Variants in AP4E1 observed in about 807,000 individuals in gnomAD.
The protein encoded by AP4E1 is AP-4 complex subunit epsilon-1.
AP4E1 carries 56 observed loss-of-function variants against 128.2 expected under a neutral mutation model. That is an observed-to-expected ratio of 0.44 (90% CI 0.35 to 0.55). The LOEUF (loss-of-function observed/expected upper bound fraction) is 0.55. Ranked by LOEUF, AP4E1 falls within the 20% of genes least tolerant of loss-of-function variation. AP4E1 has a pLI of 0.00. For missense variants in AP4E1, 1,324 were observed against 1,307.7 expected, an observed-to-expected ratio of 1.01 and a Z score of -0.19; for synonymous variants, 484 against 473.1, an observed-to-expected ratio of 1.02 and a Z score of -0.30.
At chr15:50,947,061 A>G (rs145604249) in intron 10 of AP4E1, among the ~76,000 whole-genome samples, 1 of 151,936 alleles carries the variant, frequency 6.6e-6, no homozygotes, top group East Asian at 1.9e-4. Flanking sequence ...CTGCCACTGC[A>G]CTCTAGCCTG....
intron 15 of AP4E1, among the ~76,000 whole-genome samples, chr15:50,977,154 G>A (rs968396053): frequency 1.3e-5 from 2 of 152,164 alleles, no homozygotes; most frequent in African/African-American, 4.8e-5. Context: ...GGCCTAGAGT[G>A]AAAAGCTCCT....
chr15:50,968,937 G>C (rs2064436400), intron 15 of AP4E1, among the ~76,000 whole-genome samples: 1 of 151,670 alleles, frequency 6.6e-6, no homozygotes, highest in Non-Finnish European at 1.5e-5. Flanking sequence ...AAATTTTGAG[G>C]AACTTTTTTT....
chr15:50,947,766 A>G (rs886131683), intron 10 of AP4E1, among the ~76,000 whole-genome samples: 6 of 152,214 alleles, frequency 3.9e-5, no homozygotes, highest in African/African-American at 1.4e-4. Context: ...TCTGTCATGT[A>G]GAGATGTCAG....
chr15:50,988,130 G>A (rs2064754205), intron 16 of AP4E1, among the ~76,000 whole-genome samples: 2 of 152,046 alleles, frequency 1.3e-5, no homozygotes, highest in Non-Finnish European at 2.9e-5. Context: ...TTCACCTGAG[G>A]AAGCCATATA....
chr15:50,991,568 C>G (rs2064807168), intron 16 of AP4E1, among the ~76,000 whole-genome samples: 1 of 151,404 alleles, frequency 6.6e-6, no homozygotes, highest in African/African-American at 2.4e-5. Context: ...TTAGAAAACT[C>G]TTTTAGAACC....
At chr15:50,995,738 C>T (rs931460448) in intron 17 of AP4E1, among the ~76,000 whole-genome samples, 1 of 151,930 alleles carries the variant, frequency 6.6e-6, no homozygotes. Context: ...TAAACTGTTT[C>T]TTTTCTTCAA....
chr15:50,937,162 G>A (rs2063918573), intron 8 of AP4E1, among the ~76,000 whole-genome samples: 1 of 152,084 alleles, frequency 6.6e-6, no homozygotes, highest in Non-Finnish European at 1.5e-5. Context: ...CCTGATATAG[G>A]TATTTTACTG....
chr15:50,912,040 A>T (rs747647354), intron 1 of AP4E1, 38 bp from the exon 2 acceptor site: 90 of 1,474,504 alleles, frequency 6.1e-5, no homozygotes, highest in Non-Finnish European at 8.4e-5. Flanking sequence ...GTTTTAAAAG[A>T]CAGTTAATCA....
rs1176003593 is a variant in AP4E1, at chr15:51,003,542, T to G, written c.*880T>G. ...TGGCAAAACTATCTTTTCCTGGCCT[T>G]TGAATCCACTAGTACTTAATGGATA... On this transcript the variant is annotated 3_prime_UTR_variant, in exon 21 of 21. Coordinates refer to ENST00000261842, the MANE Select transcript of AP4E1 (RefSeq NM_007347.5). 6.6e-6 allele frequency: 1 copy of G among 152,446 alleles called. No individual in the cohort carries two copies. Among genetic ancestry groups the G allele is most frequent in the African/African-American group, 2.4e-5 (1 of 41,454 alleles). 9.4% of individuals were successfully genotyped at this position (152,446 alleles called of 1,614,324 possible).
At chr15:50,928,939 C>A in intron 5 of AP4E1, 70 bp from the exon 6 acceptor site, 2 of 1,450,378 alleles carry the variant, frequency 1.4e-6, no homozygotes, top group African/African-American at 1.4e-5. Context: ...AATCATCTGG[C>A]CTATAATCTT....
At chr15:50,970,478 A>G (rs1455973221) in intron 15 of AP4E1, among the ~76,000 whole-genome samples, 1 of 152,118 alleles carries the variant, frequency 6.6e-6, no homozygotes, top group East Asian at 1.9e-4. Context: ...GAAGCCCCCA[A>G]CTATTACTGA....
Position 51,003,194 on chromosome 15 carries a change from T to C in AP4E1, c.*532T>C, listed in dbSNP as rs1159803605. Reference sequence around the variant, plus strand: ...TTGGCATAGCACACACTAACAGTTGTAGGAGATCCATGAGCATGCTGGATA... The same window carrying C: ...TTGGCATAGCACACACTAACAGTTGCAGGAGATCCATGAGCATGCTGGATA... On this transcript the variant is annotated 3_prime_UTR_variant, in exon 21 of 21. Transcript: ENST00000261842. 1 of 155,918 alleles carries C rather than the reference T, an allele frequency of 6.4e-6. No homozygotes were observed. The highest frequency in any genetic ancestry group is 1.4e-5 in the Non-Finnish European group (1 of 70,218). 9.7% of individuals were successfully genotyped at this position (155,918 alleles called of 1,614,324 possible). A position where few individuals can be genotyped will look rare whatever the true frequency, so the allele number is the denominator to read the frequency against.
intron 17 of AP4E1, among the ~76,000 whole-genome samples, chr15:50,996,871 A>G (rs1236614104): frequency 1.3e-5 from 2 of 152,146 alleles, no homozygotes; most frequent in Non-Finnish European, 2.9e-5. Context: ...CTGCTTACTA[A>G]CTTACAGGCC....
At chr15:50,931,866 G>A (rs377444011) in intron 7 of AP4E1, among the ~76,000 whole-genome samples, 1 of 152,082 alleles carries the variant, frequency 6.6e-6, no homozygotes, top group African/African-American at 2.4e-5. Flanking sequence ...TGCTCTGGTT[G>A]GGTGTGAGTG....
intron 15 of AP4E1, among the ~76,000 whole-genome samples, chr15:50,968,940 C>CT (rs201265223): frequency 0.013 from 1,835 of 146,762 alleles, 36 homozygotes; most frequent in African/African-American, 0.043. Flanking sequence ...TTTTGAGGAA[C>CT]TTTTTTTTTT....
chr15:50,944,258 T>G (rs901801914), intron 10 of AP4E1, among the ~76,000 whole-genome samples: 3 of 152,196 alleles, frequency 2.0e-5, no homozygotes, highest in African/African-American at 7.2e-5. Context: ...TTCAGTGATC[T>G]GTAGCTTGGG....
In AP4E1 at chr15:51,001,122, A is replaced by G; in HGVS notation, c.3192A>G (p.Ala1064=). 1 of 1,613,672 alleles carries G rather than the reference A, an allele frequency of 6.2e-7. No homozygotes were observed. Among genetic ancestry groups the G allele is most frequent in the Non-Finnish European group, 8.5e-7 (1 of 1,179,716 alleles). Residue 1064 remains alanine, a synonymous_variant, in exon 20 of 21, where the codon GCA becomes GCG. Transcript: ENST00000261842. The part of the protein sequence containing the change: ...QNVKMSESQA[A]LPSALKTLQQ... The stretch of plus-strand genomic sequence containing the variant: ...TAAAAATGTCAGAATCTCAAGCTGC[A>G]CTTCCTTCTGCACTAAAGACTCTGC...
chr15:50,929,482 C>A (rs1375002448), intron 6 of AP4E1, among the ~76,000 whole-genome samples: 2 of 151,436 alleles, frequency 1.3e-5, no homozygotes, highest in African/African-American at 4.8e-5. Flanking sequence ...TATATAACTT[C>A]ATGGGATGCA....
chr15:50,960,095 C>A (rs932419945), intron 14 of AP4E1, among the ~76,000 whole-genome samples: 1 of 152,254 alleles, frequency 6.6e-6, no homozygotes, highest in South Asian at 2.1e-4. Context: ...AATACATATG[C>A]ACCCAACACT....
Sources: gnomAD v4.1 joint callset for allele counts (sites outside exome capture counted in the v4.1 genomes callset) on GRCh38, gnomAD v4.1.1 for gene constraint, MANE v1.5 for transcripts, NCBI Gene and HGNC (gene_info 2026-07-23, HGNC 2026-07-21) for gene names.